The following ABCA13 variants were observed in gnomAD, a reference collection of about 807,000 sequenced individuals.
ABCA13 encodes the protein ATP binding cassette subfamily A member 13, also known as ATP-binding cassette sub-family A member 13.
ABCA13 carries 476 observed loss-of-function variants against 478.7 expected under a neutral mutation model. The ratio of observed to expected loss-of-function variants is 0.99; its 90% CI spans 0.92 to 1.07. ABCA13 has a LOEUF of 1.07. Ranked by LOEUF, ABCA13 falls within the 50% of genes least tolerant of loss-of-function variation. ABCA13 has a pLI of 0.00. For missense variants in ABCA13, 6,060 were observed against 5,910.6 expected (o/e 1.03, Z -0.83); for synonymous variants, 2,252 against 2,158.9 (o/e 1.04, Z -1.20).
At position 48,403,718 on chromosome 7, in the gene ABCA13, A is replaced by G. The variant is rs1563195057; in HGVS notation, c.11909A>G (p.His3970Arg). 6.2e-7 allele frequency: 1 copy of G among 1,614,012 alleles called. No individual in the cohort carries two copies. The highest frequency in any genetic ancestry group is 1.7e-5 in the Admixed American group (1 of 60,022). Residue 3970 changes from histidine (H) to arginine (R), a missense_variant, in exon 39 of 62, where the codon CAC becomes CGC. Physicochemically the swap from His to Arg is conservative, Grantham distance 29 (BLOSUM62 0). This residue lies in a region of ABCA13 where 1,627 missense variants were observed against 1,571.0 expected (regional missense o/e 1.04). Transcript: ENST00000435803. ...GATGTGGACTTAACTCAGCATCAGC[A>G]CAAACAGACCCGAGCTCTGTCTGGA... ...LQDVDLTQHQHKQTRALSGGL... is the reference protein window; with the variant it reads ...LQDVDLTQHQRKQTRALSGGL...
chr7:48,564,023 T>G (rs1786760849), intron 55 of ABCA13, among the ~76,000 whole-genome samples: 1 of 152,088 alleles, frequency 6.6e-6, no homozygotes, highest in Non-Finnish European at 1.5e-5. Context: ...ACTCCACATG[T>G]CATCTCCTCT....
intron 31 of ABCA13, among the ~76,000 whole-genome samples, chr7:48,362,409 C>CTTTTTTTTTTTTTTT (rs35795708): frequency 3.5e-5 from 3 of 86,006 alleles, no homozygotes; most frequent in Non-Finnish European, 4.4e-5. Context: ...TCCTCTTCTT[C>CTTTTTTTTTTTTTTT]TTTTTTTTTT....
At chr7:48,637,715 C>A (rs1794787389) in intron 59 of ABCA13, among the ~76,000 whole-genome samples, 1 of 151,664 alleles carries the variant, frequency 6.6e-6, no homozygotes, top group African/African-American at 2.4e-5. Context: ...TTTTTTTTAT[C>A]CCACTGACTT....
At position 48,581,593 on chromosome 7, in the gene ABCA13, C is replaced by T. The variant is rs78551622; in HGVS notation, c.14505+1219C>T. ...GCTTTAAGCTGGCACTTTTGTTTTT[C>T]GAGGGAAACATGCTTATGAAAAAGC... On this transcript the variant is annotated intron_variant, in intron 56 of 61. Transcript: ENST00000435803. Among the ~76,000 whole-genome samples the T allele has an allele frequency of 6.3e-3, 953 of 152,220 alleles. 10 individuals are homozygous for T. The highest frequency in any genetic ancestry group is 0.022 in the African/African-American group (903 of 41,534).
At chr7:48,559,263 T>C (rs985561593) in intron 55 of ABCA13, among the ~76,000 whole-genome samples, 1 of 152,204 alleles carries the variant, frequency 6.6e-6, no homozygotes, top group South Asian at 2.1e-4. Context: ...CCTTCCCTCC[T>C]TTTCCTCCCT....
intron 48 of ABCA13, among the ~76,000 whole-genome samples, chr7:48,493,413 T>C (rs1459876987): frequency 6.6e-6 from 1 of 152,166 alleles, no homozygotes; most frequent in Non-Finnish European, 1.5e-5. Flanking sequence ...ATAATGAACC[T>C]AAGAGGAAAT....
At chr7:48,210,402 C>T (rs1785480798) in intron 3 of ABCA13, among the ~76,000 whole-genome samples, 1 of 152,146 alleles carries the variant, frequency 6.6e-6, no homozygotes, top group African/African-American at 2.4e-5. Flanking sequence ...ATGGCCAAAC[C>T]ATATCACATA....
At chr7:48,497,457 G>A (rs1527836) in intron 48 of ABCA13, among the ~76,000 whole-genome samples, 9,843 of 151,970 alleles carry the variant, frequency 0.065, 440 homozygotes, top group African/African-American at 0.12. Context: ...TAATATTCTG[G>A]CTCTTGTTGT....
At chr7:48,553,682 T>C (rs1028531434) in intron 55 of ABCA13, among the ~76,000 whole-genome samples, 2 of 152,108 alleles carry the variant, frequency 1.3e-5, no homozygotes, top group African/African-American at 4.8e-5. Context: ...GTATATCTGT[T>C]TGAACTTGTT....
intron 20 of ABCA13, among the ~76,000 whole-genome samples, chr7:48,292,351 A>G (rs1348257107): frequency 6.6e-6 from 1 of 151,852 alleles, no homozygotes; most frequent in East Asian, 1.9e-4. Context: ...TGTTTCCCTG[A>G]TCTGGCCATG....
At chr7:48,295,585 C>A in intron 20 of ABCA13, 115 bp from the exon 21 acceptor site, 1 of 1,363,676 alleles carries the variant, frequency 7.3e-7, no homozygotes, top group Non-Finnish European at 1.0e-6. Flanking sequence ...CTCTGCAATG[C>A]ACAGAAGCAA....
chr7:48,235,247 G>A (rs965696842), intron 8 of ABCA13, among the ~76,000 whole-genome samples: 1 of 152,186 alleles, frequency 6.6e-6, no homozygotes, highest in Non-Finnish European at 1.5e-5. Flanking sequence ...CACAGGACTT[G>A]AAATTGTGAC....
At chr7:48,407,911 T>A (rs1361999002) in intron 39 of ABCA13, among the ~76,000 whole-genome samples, 1 of 152,162 alleles carries the variant, frequency 6.6e-6, no homozygotes, top group Non-Finnish European at 1.5e-5. Flanking sequence ...AGGATGTACT[T>A]AGGTTATGTG....
chr7:48,275,951 A>G lies in ABCA13; in HGVS notation c.6285A>G (p.Gln2095=). Residue 2095 remains glutamine (Q), a synonymous_variant, in exon 17 of 62, where the codon CAA becomes CAG. Transcript: ENST00000435803. ...AAAGTATAAATTCAATGGCTCTTCA[A>G]AAGATAACTTTGCAGTTTGCCCATT... The part of the protein sequence containing the change: ...GIKSINSMAL[Q]KITLQFAHFL... 1 of 1,613,724 alleles carries G rather than the reference A, an allele frequency of 6.2e-7. No individual in the cohort carries two copies. The highest frequency in any genetic ancestry group is 8.5e-7 in the Non-Finnish European group (1 of 1,179,818).
rs1821411583 is a variant in ABCA13, at chr7:48,426,251, T to A, written c.12460-1515T>A. ...TATCTTTCACATGAAGGTAGCTGCA[T>A]CTGACCTTTCACTAGTGCTACTCAT... On this transcript the variant is annotated intron_variant, in intron 41 of 61. Transcript: ENST00000435803. Among the ~76,000 whole-genome samples, 4 of 152,216 alleles carry A rather than the reference T, an allele frequency of 2.6e-5. No homozygotes were observed. In the South Asian group the frequency reaches 8.3e-4, roughly 32 times the overall value.
chr7:48,285,300 C>A (rs17132215), intron 19 of ABCA13, among the ~76,000 whole-genome samples: 79,987 of 151,896 alleles, frequency 0.53, 21,254 homozygotes, highest in East Asian at 0.77. Flanking sequence ...CTGAATGTGT[C>A]CTTGGAGCCA....
chr7:48,437,247 C>T (rs976234507), intron 42 of ABCA13, among the ~76,000 whole-genome samples: 2 of 151,988 alleles, frequency 1.3e-5, no homozygotes, highest in African/African-American at 4.8e-5. Context: ...AGTGAATTGA[C>T]TCTTTTTTTA....
intron 42 of ABCA13, among the ~76,000 whole-genome samples, chr7:48,431,178 T>C (rs1352913783): frequency 1.3e-5 from 2 of 152,140 alleles, no homozygotes; most frequent in Non-Finnish European, 2.9e-5. Context: ...CATTTTATTG[T>C]AATCTGAAAG....
chr7:48,340,267 C>T (rs1166518691), intron 29 of ABCA13, among the ~76,000 whole-genome samples: 7 of 152,024 alleles, frequency 4.6e-5, no homozygotes, highest in South Asian at 4.1e-4. Flanking sequence ...CCGCCATGCC[C>T]GGCTAATTTT....
Sources: gnomAD v4.1 joint callset for allele counts (sites outside exome capture counted in the v4.1 genomes callset) on GRCh38, gnomAD v4.1.1 for gene constraint, gnomAD v4.1.1 regional missense constraint, MANE v1.5 for transcripts, NCBI Gene and HGNC (gene_info 2026-07-23, HGNC 2026-07-21) for gene names.